The following ATP2B2 variants were observed in gnomAD, a reference collection of about 807,000 sequenced individuals.
The protein encoded by ATP2B2 is plasma membrane calcium-transporting ATPase 2.
In ATP2B2, 15 loss-of-function variants were observed where a neutral mutation model predicts 120.0. The ratio of observed to expected loss-of-function variants is 0.12; its 90% confidence interval spans 0.08 to 0.19. The LOEUF (loss-of-function observed/expected upper bound fraction) is 0.19, where lower values mean the gene tolerates loss of function less well. Among genes scored for constraint, ATP2B2 ranks in the 10% least tolerant of loss-of-function variants. The pLI, the probability that ATP2B2 is intolerant of heterozygous loss-of-function variation, is 1.00. For synonymous variants in ATP2B2, 694 were observed against 700.3 expected (o/e 0.99, Z 0.14); for missense variants, 1,045 against 1,719.8 (o/e 0.61, Z 6.94).
At chr3:10,520,665 A>G (rs115964891) in intron 3 of ATP2B2, among the ~76,000 whole-genome samples, 2,413 of 151,876 alleles carry the variant, frequency 0.016, 35 homozygotes, top group Admixed American at 0.036. Context: ...GGGTTTCGCC[A>G]GGTTGGTCTT....
intron 1 of ATP2B2, among the ~76,000 whole-genome samples, chr3:10,654,780 A>T (rs1199405180): frequency 3.6e-4 from 4 of 10,994 alleles, no homozygotes; most frequent in African/African-American, 1.3e-3. Context: ...GGAAGCTGGT[A>T]AAAAAAAAAA....
At chr3:10,558,704 C>A (rs149753544) in intron 2 of ATP2B2, among the ~76,000 whole-genome samples, 60 of 152,300 alleles carry the variant, frequency 3.9e-4, no homozygotes, top group African/African-American at 1.3e-3. Flanking sequence ...GTTTGAGATG[C>A]ATTTGAGAGA....
chr3:10,582,479 C>T (rs903682575), intron 2 of ATP2B2, among the ~76,000 whole-genome samples: 4 of 152,162 alleles, frequency 2.6e-5, no homozygotes, highest in African/African-American at 9.7e-5. Flanking sequence ...AGATGATGAA[C>T]ACAGAGATGA....
chr3:10,629,533 G>A (rs1000772), intron 1 of ATP2B2, among the ~76,000 whole-genome samples: 42,549 of 152,088 alleles, frequency 0.28, 7,199 homozygotes, highest in East Asian at 0.66. Context: ...CACAGGCGTC[G>A]TCTCAGCCGA....
intron 8 of ATP2B2, among the ~76,000 whole-genome samples, chr3:10,380,308 C>T (rs1476965635): frequency 6.6e-6 from 1 of 152,232 alleles, no homozygotes; most frequent in East Asian, 1.9e-4. Flanking sequence ...TGGGCCTGCA[C>T]GCTCACCCAG....
chr3:10,472,842 T>C (rs1232929394), intron 1 of ATP2B2, among the ~76,000 whole-genome samples: 2 of 152,230 alleles, frequency 1.3e-5, no homozygotes, highest in Admixed American at 6.5e-5. Context: ...ACAGTAGCAG[T>C]GTCGGCTAAT....
chr3:10,399,774 C>G (rs1019004592), intron 5 of ATP2B2, among the ~76,000 whole-genome samples: 1 of 152,234 alleles, frequency 6.6e-6, no homozygotes, highest in African/African-American at 2.4e-5. Flanking sequence ...ATGGTTCCCT[C>G]TGCTAGGAGG....
At chr3:10,576,127 C>T (rs2068240639) in intron 2 of ATP2B2, among the ~76,000 whole-genome samples, 1 of 152,224 alleles carries the variant, frequency 6.6e-6, no homozygotes, top group Admixed American at 6.5e-5. Flanking sequence ...AGTTACAAAG[C>T]CAGGTTTGCT....
chr3:10,400,162 T>C (rs2062171347), intron 5 of ATP2B2, among the ~76,000 whole-genome samples: 1 of 152,224 alleles, frequency 6.6e-6, no homozygotes, highest in South Asian at 2.1e-4. Flanking sequence ...CCCCACCTCT[T>C]CTCTGCCCCT....
Position 10,340,483 on chromosome 3 carries a change from G to A in ATP2B2, c.3129+10C>T. 6.2e-7 allele frequency: 1 copy of A among 1,614,208 alleles called. No individual in the cohort carries two copies. The highest frequency in any genetic ancestry group is 8.5e-7 in the Non-Finnish European group (1 of 1,180,012). On this transcript the variant is annotated intron_variant, in intron 20 of 22. Transcript: ENST00000360273. The surrounding 1 kb of genome is among the most constrained non-coding windows in gnomAD (Gnocchi z 5.0). ...CACCCCGGGCCTGGTTAGGGTGGGG[G>A]CCTCACTACCTGGATGGCAAAGGTG...
Position 10,402,392 on chromosome 3 carries a change from A to G in ATP2B2, c.398-44T>C. ...GCAGGCAGAGTGAGGTCAACCAGACAGGAGAGGCCTCATGGGCCTGGATTT... is the reference window on the plus strand; with the variant it reads ...GCAGGCAGAGTGAGGTCAACCAGACGGGAGAGGCCTCATGGGCCTGGATTT... On this transcript the variant is annotated intron_variant, in intron 3 of 22. Coordinates refer to ENST00000360273, the MANE Select transcript of ATP2B2 (RefSeq NM_001001331.4). The surrounding 1 kb of genome is among the most constrained non-coding windows in gnomAD (Gnocchi z 4.9). The G allele has an allele frequency of 6.2e-7, 1 of 1,608,374 alleles. No individual in the cohort carries two copies. The highest frequency in any genetic ancestry group is 2.2e-5 in the East Asian group (1 of 44,890).
intron 5 of ATP2B2, among the ~76,000 whole-genome samples, chr3:10,394,070 G>A (rs528766554): frequency 6.6e-6 from 1 of 152,140 alleles, no homozygotes; most frequent in Non-Finnish European, 1.5e-5. Context: ...TAGGACAGTA[G>A]GGGCTGGACC....
intron 2 of ATP2B2, among the ~76,000 whole-genome samples, chr3:10,440,287 T>G (rs1490440508): frequency 6.6e-6 from 1 of 151,920 alleles, no homozygotes; most frequent in African/African-American, 2.4e-5. Flanking sequence ...TTCCCTGCAT[T>G]CAGTGAATTC....
intron 2 of ATP2B2, among the ~76,000 whole-genome samples, chr3:10,618,866 T>C (rs2069468476): frequency 6.6e-6 from 1 of 152,170 alleles, no homozygotes; most frequent in Admixed American, 6.5e-5. Flanking sequence ...AGCTAACCTA[T>C]AGATGATATT....
At chr3:10,505,866 G>A (rs367612671), upstream of ATP2B2, among the ~76,000 whole-genome samples, 204 of 152,144 alleles carry the variant, frequency 1.3e-3, 1 homozygote, top group Middle Eastern at 0.014. Flanking sequence ...GGGATCATGA[G>A]GAACCGAAGC....
At chr3:10,463,321 C>T (rs115335043) in intron 1 of ATP2B2, among the ~76,000 whole-genome samples, 435 of 152,238 alleles carry the variant, frequency 2.9e-3, no homozygotes, top group African/African-American at 9.9e-3. Context: ...GTTCCATGAC[C>T]GAGAAAGCAG....
chr3:10,327,913 A>G lies in ATP2B2; in HGVS notation c.*901T>C, dbSNP rs1290833647. The G allele has an allele frequency of 6.5e-6, 1 of 152,682 alleles. No individual in the cohort carries two copies. The highest frequency in any genetic ancestry group is 1.9e-4 in the East Asian group (1 of 5,208). 9.5% of individuals were successfully genotyped at this position (152,682 alleles called of 1,614,324 possible). A position where few individuals can be genotyped will look rare whatever the true frequency, so the allele number is the denominator to read the frequency against. ...TCATAAAACATCCAGGATGCAACCCAGGGGAAGTGTCTGTTGGGCCGAGCT... is the reference window on the plus strand; with the variant it reads ...TCATAAAACATCCAGGATGCAACCCGGGGGAAGTGTCTGTTGGGCCGAGCT... On this transcript the variant is annotated 3_prime_UTR_variant, in exon 23 of 23. Coordinates refer to ENST00000360273, the MANE Select transcript of ATP2B2 (RefSeq NM_001001331.4).
At chr3:10,378,967 C>T (rs1387201146) in intron 9 of ATP2B2, among the ~76,000 whole-genome samples, 1 of 152,228 alleles carries the variant, frequency 6.6e-6, no homozygotes. Context: ...TACCCCTCAA[C>T]CTCTAAGGAT....
intron 22 of ATP2B2, chr3:10,330,311 T>G (rs2059943263): frequency 6.5e-6 from 1 of 154,324 alleles, no homozygotes; most frequent in South Asian, 2.0e-4. Context: ...CTCTGCCACA[T>G]CTGGTGCCTT....
Sources: allele counts gnomAD v4.1 joint callset (sites outside exome capture counted in the v4.1 genomes callset), GRCh38; gene constraint gnomAD v4.1.1; non-coding constraint Gnocchi (gnomAD v3.1); transcripts MANE v1.5; gene names NCBI Gene and HGNC (gene_info 2026-07-23, HGNC 2026-07-21).